The following FRYL variants were observed in gnomAD, a reference collection of about 807,000 sequenced individuals.
FRYL encodes protein furry homolog-like.
Under a neutral mutation model 351.2 loss-of-function variants are expected in FRYL, and 150 were observed. The ratio of observed to expected loss-of-function variants is 0.43; its 90% confidence interval spans 0.37 to 0.49. FRYL has a LOEUF of 0.49. Among genes scored for constraint, FRYL ranks in the 20% least tolerant of loss-of-function variants. The probability of loss-of-function intolerance (pLI) is 0.00; values close to 1 mark genes in which losing one functional copy is unlikely to be tolerated. For synonymous variants in FRYL, 1,153 were observed against 1,257.1 expected (o/e 0.92, Z 1.75); for missense variants, 3,036 against 3,619.3 (o/e 0.84, Z 4.13).
chr4:48,748,413 C>A (rs950931658), intron 1 of FRYL, among the ~76,000 whole-genome samples: 20 of 152,066 alleles, frequency 1.3e-4, no homozygotes, highest in African/African-American at 4.3e-4. Flanking sequence ...GGCAATATGA[C>A]AATGTTTTGG....
At chr4:48,507,632 G>C (rs1195615908) in intron 59 of FRYL, among the ~76,000 whole-genome samples, 1 of 152,130 alleles carries the variant, frequency 6.6e-6, no homozygotes, top group East Asian at 1.9e-4. Flanking sequence ...CCTGCGCATA[G>C]AGGCTGAACA....
At chr4:48,555,956 G>A (rs1309119601) in intron 35 of FRYL, among the ~76,000 whole-genome samples, 1 of 152,118 alleles carries the variant, frequency 6.6e-6, no homozygotes, top group African/African-American at 2.4e-5. Context: ...GTGCAGTGGT[G>A]CAATCTTGGC....
rs574879525 is a variant in FRYL, at chr4:48,592,402, A to G, written c.1335+1528T>C. ...AAAGAAAATACAGATCCAAGAAAAG[A>G]AAATACAGATCCAAGATAATCCTAA... is the stretch of plus-strand genomic sequence containing the variant. On this transcript the variant is annotated intron_variant, in intron 16 of 63. Coordinates refer to ENST00000358350, the MANE Select transcript of FRYL (RefSeq NM_015030.2). Among the ~76,000 whole-genome samples, 4 of 152,200 alleles carry G rather than the reference A, an allele frequency of 2.6e-5. No individual in the cohort carries two copies. In the South Asian group the frequency reaches 8.3e-4, roughly 32 times the overall value.
At chr4:48,774,611 T>C (rs1312275190) in intron 1 of FRYL, among the ~76,000 whole-genome samples, 3 of 151,976 alleles carry the variant, frequency 2.0e-5, no homozygotes, top group Non-Finnish European at 2.9e-5. Flanking sequence ...AGTGGCGTGA[T>C]CTCGGCTCAC....
At chr4:48,712,215 A>G (rs1483702379) in intron 1 of FRYL, among the ~76,000 whole-genome samples, 3 of 152,264 alleles carry the variant, frequency 2.0e-5, no homozygotes, top group African/African-American at 7.2e-5. Flanking sequence ...AAAGCTGGGC[A>G]GAGAATGACT....
Position 48,620,659 on chromosome 4 carries a change from C to G in FRYL, c.294G>C (p.Arg98=), listed in dbSNP as rs1351937648. 6.2e-7 allele frequency: 1 copy of G among 1,613,578 alleles called. No homozygotes were observed. The highest frequency in any genetic ancestry group is 2.2e-5 in the East Asian group (1 of 44,880). ...TEDESYEYRP[R]SSTKSKGDEQ... is the part of the protein sequence containing the mutation. ...CTTACCCCTTAGACTTTGTGCTAGACCGAGGCCTATATTCATAAGATTCAT... is the reference window on the plus strand; with the variant it reads ...CTTACCCCTTAGACTTTGTGCTAGAGCGAGGCCTATATTCATAAGATTCAT... The change falls in exon 6 of 64, where the codon CGG becomes CGC. Residue 98 remains arginine, a synonymous_variant. Coordinates refer to ENST00000358350, the MANE Select transcript of FRYL (RefSeq NM_015030.2).
chr4:48,725,996 A>G (rs542485428), intron 1 of FRYL, among the ~76,000 whole-genome samples: 1 of 152,262 alleles, frequency 6.6e-6, no homozygotes, highest in South Asian at 2.1e-4. Flanking sequence ...AAAAATCACC[A>G]ATCTTATGAC....
chr4:48,546,140 T>C lies in FRYL; in HGVS notation c.5206A>G (p.Ile1736Val), dbSNP rs749032642. ...ACTGAGATGTCAACCTCATTGAGGATAGTGGTGTGCAGATGTGAAATGGCA... is the reference window on the plus strand; with the variant it reads ...ACTGAGATGTCAACCTCATTGAGGACAGTGGTGTGCAGATGTGAAATGGCA... ...SAAISHLHTTILNEVDISVEQ... is the reference protein window; with the variant it reads ...SAAISHLHTTVLNEVDISVEQ... The change falls in exon 42 of 64, where the codon ATC (isoleucine) becomes GTC (valine). Residue 1736 changes from isoleucine to valine, a missense_variant. Physicochemically the swap from Ile to Val is conservative, Grantham distance 29. Coordinates refer to ENST00000358350, the MANE Select transcript of FRYL (RefSeq NM_015030.2). 11 of 1,613,744 alleles carry C rather than the reference T, an allele frequency of 6.8e-6. No homozygotes were observed. Among genetic ancestry groups the C allele is most frequent in the Admixed American group, 1.7e-5 (1 of 59,970 alleles).
At position 48,651,223 on chromosome 4, in the gene FRYL, TGTGTGTGTG is replaced by T. The variant is rs1226130809; in HGVS notation, c.-80-16742_-80-16734del. Among the ~76,000 whole-genome samples the T allele has an allele frequency of 2.1e-4, 10 of 46,932 alleles. No individual in the cohort carries two copies. The East Asian group carries it at 5.5e-3, about 26-fold the overall frequency. The allele number at this position is 46,932 out of a possible 152,430, so 30.8% of individuals were successfully genotyped here. On this transcript the variant is annotated intron_variant, in intron 3 of 63. Transcript: ENST00000358350. ...TGGGACCACATGCACCGTGTGTGTGTGTGTGTGTGTGTGTGTGTGTGTGTGTGTGTGTGT... is the reference window on the plus strand; with the variant it reads ...TGGGACCACATGCACCGTGTGTGTGTTGTGTGTGTGTGTGTGTGTGTGTGT...
intron 7 of FRYL, among the ~76,000 whole-genome samples, chr4:48,614,815 CTTTTTTTT>C (rs369399363): frequency 1.5e-5 from 1 of 67,932 alleles, no homozygotes; most frequent in African/African-American, 6.0e-5. Flanking sequence ...AAGTTTAATG[CTTTTTTTT>C]TTTTTTTTTT....
At chr4:48,513,498 C>A (rs1722911057) in intron 56 of FRYL, among the ~76,000 whole-genome samples, 1 of 151,694 alleles carries the variant, frequency 6.6e-6, no homozygotes, top group South Asian at 2.1e-4. Flanking sequence ...CAACTCTCAG[C>A]CAAAAAAAGG....
intron 20 of FRYL, 52 bp downstream of exon 20, chr4:48,582,445 G>T: frequency 9.3e-7 from 1 of 1,080,058 alleles, no homozygotes; most frequent in Non-Finnish European, 1.4e-6. Flanking sequence ...AACCATTATT[G>T]GTCATTTAGC....
chr4:48,623,251 T>A (rs1205621887), intron 4 of FRYL, 72 bp from the exon 5 acceptor site: 4 of 886,840 alleles, frequency 4.5e-6, no homozygotes, highest in Non-Finnish European at 1.7e-6. Context: ...ATCTTCTACA[T>A]AATAAACAGT....
intron 3 of FRYL, among the ~76,000 whole-genome samples, chr4:48,679,421 G>A (rs1764278072): frequency 6.6e-6 from 1 of 151,976 alleles, no homozygotes; most frequent in Non-Finnish European, 1.5e-5. Flanking sequence ...TAAGGTAATG[G>A]GAACTCTCAT....
At chr4:48,507,861 G>A (rs1395455844) in intron 59 of FRYL, among the ~76,000 whole-genome samples, 1 of 152,074 alleles carries the variant, frequency 6.6e-6, no homozygotes, top group East Asian at 1.9e-4. Context: ...CAGGGGGAGA[G>A]GCTACAAAAC....
intron 3 of FRYL, among the ~76,000 whole-genome samples, chr4:48,676,800 C>T (rs1487912799): frequency 6.6e-6 from 1 of 152,192 alleles, no homozygotes. Flanking sequence ...GCACATTTTT[C>T]TCGGGAATTA....
At chr4:48,757,250 CAGG>C (rs1303269208) in intron 1 of FRYL, among the ~76,000 whole-genome samples, 1 of 152,128 alleles carries the variant, frequency 6.6e-6, no homozygotes, top group Non-Finnish European at 1.5e-5. Context: ...CTGGCCAGGG[CAGG>C]AGAAGGAAAT....
At chr4:48,541,977 T>C (rs1369373332) in intron 45 of FRYL, 50 bp downstream of exon 45, 1 of 1,172,020 alleles carries the variant, frequency 8.5e-7, no homozygotes. Flanking sequence ...CTATATGTAG[T>C]TAGCTATTCA....
chr4:48,548,873 G>T, intron 39 of FRYL, 80 bp from the exon 40 acceptor site: 2 of 754,058 alleles, frequency 2.7e-6, no homozygotes, highest in Non-Finnish European at 2.2e-6. Flanking sequence ...ATTACTTGAA[G>T]ACTTTAATAT....
Sources: allele counts gnomAD v4.1 joint callset (sites outside exome capture counted in the v4.1 genomes callset), GRCh38; gene constraint gnomAD v4.1.1; transcripts MANE v1.5; gene names NCBI Gene and HGNC (gene_info 2026-07-23, HGNC 2026-07-21).